ISOC2: variants seen among roughly 807,000 people sequenced by gnomAD.
ISOC2 encodes isochorismatase domain-containing protein 2.
In ISOC2, 15 loss-of-function variants were observed where a neutral mutation model predicts 19.3. That is an observed-to-expected ratio of 0.78 (90% confidence interval 0.52 to 1.20). ISOC2 has a LOEUF of 1.20. ISOC2 is among the 50% of genes most tolerant of loss of function. The pLI is 0.00. For synonymous variants in ISOC2, 106 were observed against 115.8 expected (o/e 0.92, Z 0.54); for missense variants, 285 against 272.4 (o/e 1.05, Z -0.33).
At chr19:55,460,153 A>G (rs1361311942) in intron 1 of ISOC2, 1 of 152,236 alleles carries the variant, frequency 6.6e-6, no homozygotes, top group Non-Finnish European at 1.5e-5. Context: ...AATGTCCACA[A>G]TGAGGGTACT....
intron 1 of ISOC2, among the ~76,000 whole-genome samples, chr19:55,460,571 C>T (rs1288841591): frequency 6.6e-6 from 1 of 152,202 alleles, no homozygotes; most frequent in Non-Finnish European, 1.5e-5. Flanking sequence ...CGTCAGAAGC[C>T]AGGACAGTGA....
Position 55,453,257 on chromosome 19 carries a change from C to G in ISOC2, c.*51G>C, listed in dbSNP as rs773398576. The G allele has an allele frequency of 1.4e-6, 2 of 1,399,742 alleles. No homozygotes were observed. Among genetic ancestry groups the G allele is most frequent in the Admixed American group, 4.4e-5 (2 of 45,926 alleles). The allele number at this position is 1,399,742 out of a possible 1,614,324, so 86.7% of individuals were successfully genotyped here. A position where few individuals can be genotyped will look rare whatever the true frequency, so the allele number is the denominator to read the frequency against. The stretch of plus-strand genomic sequence containing the variant: ...CAGGGATGGGGGGAACGGGCTTCCA[C>G]TGAGGTCCGGGTGACAGGAGGGTGG... On this transcript the variant is annotated 3_prime_UTR_variant, in exon 6 of 6. Coordinates refer to ENST00000425675, the MANE Select transcript of ISOC2 (RefSeq NM_001136201.2).
At position 55,453,063 on chromosome 19, in the gene ISOC2, T is replaced by G; in HGVS notation, c.*245A>C. ...TTCTTCCCCTCCCCTTCCCGCCCCG[T>G]GAAGTGGCCCGGGGCCGAGCCCCGC... On this transcript the variant is annotated 3_prime_UTR_variant, in exon 6 of 6. Coordinates refer to ENST00000425675, the MANE Select transcript of ISOC2 (RefSeq NM_001136201.2). The G allele has an allele frequency of 5.3e-5, 23 of 434,524 alleles. No individual in the cohort carries two copies. The highest frequency in any genetic ancestry group is 6.0e-4 in the Middle Eastern group (1 of 1,660). 26.9% of individuals were successfully genotyped at this position (434,524 alleles called of 1,614,324 possible).
At chr19:55,457,662 C>T (rs1986103875) in intron 1 of ISOC2, among the ~76,000 whole-genome samples, 1 of 151,932 alleles carries the variant, frequency 6.6e-6, no homozygotes, top group Non-Finnish European at 1.5e-5. Flanking sequence ...AACCCCATAT[C>T]TACTAAAAAT....
At chr19:55,454,804 C>A in intron 5 of ISOC2, 185 bp downstream of exon 5, 1 of 621,916 alleles carries the variant, frequency 1.6e-6, no homozygotes, top group East Asian at 2.7e-5. Context: ...CTCTGTGGCC[C>A]TTATGGTCCA....
intron 1 of ISOC2, among the ~76,000 whole-genome samples, chr19:55,460,838 C>T (rs1403093682): frequency 1.3e-5 from 2 of 152,146 alleles, no homozygotes; most frequent in Admixed American, 1.3e-4. Flanking sequence ...GGCCAGAGAG[C>T]AGGAGGTCGG....
chr19:55,455,538 G>A (rs909822668), intron 3 of ISOC2, 98 bp downstream of exon 3: 22 of 1,159,606 alleles, frequency 1.9e-5, no homozygotes, highest in Non-Finnish European at 2.6e-5. Flanking sequence ...TGGGGGTCCT[G>A]CAGGGAAGTG....
intron 1 of ISOC2, among the ~76,000 whole-genome samples, chr19:55,458,068 AAAAG>A (rs1305838196): frequency 2.5e-4 from 38 of 151,684 alleles, no homozygotes; most frequent in Middle Eastern, 3.4e-3. Context: ...TTAAAAAAAA[AAAAG>A]AAAAGAAAGA....
intron 3 of ISOC2, 143 bp downstream of exon 3, chr19:55,455,493 G>T: frequency 8.9e-7 from 1 of 1,126,530 alleles, no homozygotes; most frequent in Non-Finnish European, 1.3e-6. Flanking sequence ...GATAGGATGG[G>T]GCCCACAGGT....
At chr19:55,455,866 A>G (rs1453913535) in intron 2 of ISOC2, 21 bp from the exon 3 acceptor site, 4 of 1,368,192 alleles carry the variant, frequency 2.9e-6, no homozygotes, top group Non-Finnish European at 3.8e-6. Context: ...GATGGGGAAG[A>G]AAGGTCAGGG....
intron 5 of ISOC2, 51 bp from the exon 6 acceptor site, chr19:55,453,439 C>T: frequency 7.6e-7 from 1 of 1,310,128 alleles, no homozygotes; most frequent in Non-Finnish European, 1.0e-6. Flanking sequence ...TCCCGATCTC[C>T]ATGGATGACA....
intron 3 of ISOC2, 26 bp downstream of exon 3, chr19:55,455,610 A>G: frequency 6.5e-7 from 1 of 1,538,954 alleles, no homozygotes; most frequent in Non-Finnish European, 8.8e-7. Context: ...AGAACGAGGG[A>G]CCCCTGGGGT....
rs140943962 is a variant in ISOC2, at chr19:55,455,306, G to A, written c.373C>T (p.Arg125Trp). The A allele has an allele frequency of 9.3e-4, 1,499 of 1,613,976 alleles. 4 individuals are homozygous for A. The highest frequency in any genetic ancestry group is 1.1e-3 in the Non-Finnish European group (1,335 of 1,179,922). ...ACCACCACATGGACCTGCAGCCCCC[G>A]GTCTAGGAGGTCCAGGGTCGTGTTC... ...ILNTTLDLLD[R>W]GLQVHVVVDA... Residue 125 changes from arginine (R) to tryptophan (W), a missense_variant, in exon 4 of 6, where the codon CGG (arginine) becomes TGG (tryptophan). Arg to Trp is a moderately radical substitution (Grantham distance 101). Transcript: ENST00000425675.
In ISOC2 at chr19:55,453,270, G is replaced by A; in HGVS notation, c.*38C>T. 6.7e-7 allele frequency: 1 copy of A among 1,497,818 alleles called. No homozygotes were observed. The highest frequency in any genetic ancestry group is 9.2e-7 in the Non-Finnish European group (1 of 1,092,476). The allele number at this position is 1,497,818 out of a possible 1,614,324, so 92.8% of individuals were successfully genotyped here. A position where few individuals can be genotyped will look rare whatever the true frequency, so the allele number is the denominator to read the frequency against. ...AACGGGCTTCCACTGAGGTCCGGGT[G>A]ACAGGAGGGTGGTCTTCCCTCAAGG... On this transcript the variant is annotated 3_prime_UTR_variant, in exon 6 of 6. Coordinates refer to ENST00000425675, the MANE Select transcript of ISOC2 (RefSeq NM_001136201.2).
At chr19:55,457,503 C>G (rs925674497) in intron 1 of ISOC2, among the ~76,000 whole-genome samples, 1 of 151,430 alleles carries the variant, frequency 6.6e-6, no homozygotes, top group Non-Finnish European at 1.5e-5. Context: ...CCACTGCACT[C>G]CAGCCTGGGT....
chr19:55,461,311 C>A (rs1034968636), intron 1 of ISOC2, among the ~76,000 whole-genome samples: 1 of 152,218 alleles, frequency 6.6e-6, no homozygotes, highest in African/African-American at 2.4e-5. Context: ...CCTGCCCACC[C>A]CCCAGCGCTG....
At position 55,455,741 on chromosome 19, in the gene ISOC2, G is replaced by A; in HGVS notation, c.243C>T (p.Ala81=). 1 of 1,600,340 alleles carries A rather than the reference G, an allele frequency of 6.2e-7. No individual in the cohort carries two copies. The highest frequency in any genetic ancestry group is 8.5e-7 in the Non-Finnish European group (1 of 1,174,210). The change falls in exon 3 of 6, where the codon GCC becomes GCT. Residue 81 remains alanine (A), a synonymous_variant. Transcript: ENST00000425675. ...ELGTEGLRPL[A]KTCFSMVPAL... ...CAGGCACCATGCTGAAGCAGGTCTT[G>A]GCCAGCGGCCGAAGGCCCTCAGTCC...
In ISOC2 at chr19:55,458,492, G is replaced by T. The variant is rs150141897; in HGVS notation, c.-3-2003C>A. ...GACAGAAGGTGTTCTGGGAAGCTGA[G>T]GGAGGCAGGGCACTCAACAAGAAGC... On this transcript the variant is annotated intron_variant, in intron 1 of 5. Transcript: ENST00000425675. Among the ~76,000 whole-genome samples the T allele has an allele frequency of 2.9e-3, 447 of 152,124 alleles. 2 individuals carry two copies. The highest frequency in any genetic ancestry group is 0.01 in the African/African-American group (433 of 41,508).
chr19:55,459,309 C>T lies in ISOC2; in HGVS notation c.-4+2203G>A, dbSNP rs147177049. Among the ~76,000 whole-genome samples the T allele has an allele frequency of 2.6e-3, 402 of 152,160 alleles. 2 individuals are homozygous for T. Among genetic ancestry groups the T allele is most frequent in the African/African-American group, 9.3e-3 (385 of 41,488 alleles). ...GTGCACCATATCTCAAGTTTAAAAACGAATAAATGGTTAAAATGGTCAATT... is the reference window on the plus strand; with the variant it reads ...GTGCACCATATCTCAAGTTTAAAAATGAATAAATGGTTAAAATGGTCAATT... On this transcript the variant is annotated intron_variant, in intron 1 of 5. Transcript: ENST00000425675.
Sources: allele counts gnomAD v4.1 joint callset (sites outside exome capture counted in the v4.1 genomes callset), GRCh38; gene constraint gnomAD v4.1.1; transcripts MANE v1.5; gene names NCBI Gene and HGNC (gene_info 2026-07-23, HGNC 2026-07-21).